The following BTBD9 variants were observed in gnomAD, a reference collection of about 807,000 sequenced individuals.
BTBD9 encodes BTB/POZ domain-containing protein 9.
A neutral mutation model predicts 64.3 loss-of-function variants in BTBD9; 49 were observed. The observed-to-expected ratio is 0.76, with a 90% CI of 0.61 to 0.97. The LOEUF is 0.97. BTBD9 is among the 50% of genes least tolerant of loss of function. The pLI is 0.00. For missense variants in BTBD9, 598 were observed against 762.1 expected (o/e 0.78, Z 2.53); for synonymous variants, 260 against 274.7 (o/e 0.95, Z 0.53).
chr6:38,283,446 G>A (rs755690793), intron 8 of BTBD9, among the ~76,000 whole-genome samples: 3 of 152,068 alleles, frequency 2.0e-5, no homozygotes, highest in African/African-American at 7.2e-5. Context: ...CCAGGAGTTC[G>A]AGACCAGCCT....
chr6:38,492,472 C>T (rs931779472), intron 6 of BTBD9, among the ~76,000 whole-genome samples: 2 of 152,134 alleles, frequency 1.3e-5, no homozygotes, highest in African/African-American at 4.8e-5. Context: ...TACAGGCCAC[C>T]TGTGTTATTT....
At chr6:38,342,381 C>G (rs1764136011) in intron 7 of BTBD9, among the ~76,000 whole-genome samples, 1 of 151,678 alleles carries the variant, frequency 6.6e-6, no homozygotes, top group African/African-American at 2.4e-5. Flanking sequence ...ACTAAAAATA[C>G]AAAAATTAGC....
At chr6:38,617,191 T>C (rs1777821394) in intron 1 of BTBD9, among the ~76,000 whole-genome samples, 1 of 152,120 alleles carries the variant, frequency 6.6e-6, no homozygotes, top group Non-Finnish European at 1.5e-5. Context: ...TGGAACCAGC[T>C]TCTGCTTTTC....
At chr6:38,574,198 T>G (rs1045573748) in intron 6 of BTBD9, among the ~76,000 whole-genome samples, 6 of 152,198 alleles carry the variant, frequency 3.9e-5, no homozygotes, top group Non-Finnish European at 8.8e-5. Context: ...ATGGTTGGAA[T>G]GTTCACACTG....
At chr6:38,603,583 T>C (rs1273495806) in intron 1 of BTBD9, among the ~76,000 whole-genome samples, 2 of 152,250 alleles carry the variant, frequency 1.3e-5, no homozygotes, top group African/African-American at 2.4e-5. Flanking sequence ...TTTACAAACT[T>C]TAACCAGAGC....
chr6:38,488,666 CA>C (rs765665846), intron 6 of BTBD9, among the ~76,000 whole-genome samples: 11 of 152,088 alleles, frequency 7.2e-5, no homozygotes, highest in Non-Finnish European at 1.2e-4. Context: ...AGCAGCTCTG[CA>C]AAGAATGTGT....
intron 9 of BTBD9, among the ~76,000 whole-genome samples, chr6:38,243,554 G>A (rs1764081345): frequency 6.6e-6 from 1 of 151,948 alleles, no homozygotes; most frequent in African/African-American, 2.4e-5. Context: ...GAGGCAATGG[G>A]AATGGAAAAA....
At chr6:38,294,843 A>C (rs2127559504) in intron 7 of BTBD9, among the ~76,000 whole-genome samples, 1 of 152,036 alleles carries the variant, frequency 6.6e-6, no homozygotes, top group South Asian at 2.1e-4. Context: ...AAAAAAAAAA[A>C]ACCTTTATAC....
chr6:38,423,825 G>A (rs1295497711), intron 6 of BTBD9, among the ~76,000 whole-genome samples: 1 of 149,834 alleles, frequency 6.7e-6, no homozygotes, highest in African/African-American at 2.5e-5. Flanking sequence ...AATGTCTTCA[G>A]AATTAAAAAT....
rs942181962 is a variant in BTBD9, at chr6:38,174,634, G to C, written c.*351C>G. On this transcript the variant is annotated 3_prime_UTR_variant, in exon 11 of 11. Transcript: ENST00000481247. ...CCCAATGGCTTTCTCCTCCGCCTGA[G>C]TGTTTGCGTGCCATTTTTGTATTCC... The C allele has an allele frequency of 1.6e-5, 4 of 257,748 alleles. No individual in the cohort carries two copies. The highest frequency in any genetic ancestry group is 2.2e-5 in the Non-Finnish European group (3 of 136,550). 16.0% of individuals were successfully genotyped at this position (257,748 alleles called of 1,614,324 possible). A position where few individuals can be genotyped will look rare whatever the true frequency, so the allele number is the denominator to read the frequency against.
intron 6 of BTBD9, among the ~76,000 whole-genome samples, chr6:38,355,540 A>C (rs1237049620): frequency 6.6e-6 from 1 of 152,168 alleles, no homozygotes; most frequent in African/African-American, 2.4e-5. Context: ...CACTTGTTTC[A>C]GAAATTCAGA....
At chr6:38,303,874 T>TATATATATATAAAC in intron 7 of BTBD9, among the ~76,000 whole-genome samples, 1 of 82,648 alleles carries the variant, frequency 1.2e-5, no homozygotes, top group Non-Finnish European at 2.3e-5. Flanking sequence ...TATATATATA[T>TATATATATATAAAC]ACACACACAC....
intron 6 of BTBD9, among the ~76,000 whole-genome samples, chr6:38,408,148 G>A (rs894821077): frequency 6.6e-6 from 1 of 152,122 alleles, no homozygotes; most frequent in Non-Finnish European, 1.5e-5. Flanking sequence ...CATGAGGCCA[G>A]GAGTTCGAGA....
rs5875628 is a variant in BTBD9 at position 38,333,271 on chromosome 6, AT to A, written c.1264+11712del. 7.8e-3 allele frequency among the ~76,000 whole-genome samples: 1,194 copies of A among 152,360 alleles called. 17 individuals carry two copies. Among genetic ancestry groups the A allele is most frequent in the African/African-American group, 0.027 (1,141 of 41,576 alleles). ...AAGAAAGGGCAAGATAGGGCCACCC[AT>A]AGGTCCCTTCCCTTAAGTCTTTCCT... On this transcript the variant is annotated intron_variant, in intron 7 of 10. Coordinates refer to ENST00000481247, the MANE Select transcript of BTBD9 (RefSeq NM_001099272.2).
At chr6:38,492,719 A>G (rs1312092654) in intron 6 of BTBD9, among the ~76,000 whole-genome samples, 1 of 152,228 alleles carries the variant, frequency 6.6e-6, no homozygotes, top group African/African-American at 2.4e-5. Flanking sequence ...CACAAATAGC[A>G]TATCAATTCT....
At chr6:38,489,176 G>A (rs1212979715) in intron 6 of BTBD9, among the ~76,000 whole-genome samples, 3 of 152,128 alleles carry the variant, frequency 2.0e-5, no homozygotes, top group African/African-American at 7.2e-5. Flanking sequence ...GATTATAGGC[G>A]TGAACAACTG....
rs869155666 is a variant in BTBD9, at chr6:38,171,846, C to CAAAAAAAAAAAA, written c.*3127_*3138dup. On this transcript the variant is annotated 3_prime_UTR_variant, in exon 11 of 11. Transcript: ENST00000481247. ...TCCAATGAAGTTGCCTTTCTACTCTCAAAAAAAAAAAAAAAAAAAAAAAAA... is the reference window on the plus strand; with the variant it reads ...TCCAATGAAGTTGCCTTTCTACTCTCAAAAAAAAAAAAAAAAAAAAAAAAAAAAAAAAAAAAA... 2.3e-4 allele frequency: 18 copies of CAAAAAAAAAAAA among 79,188 alleles called. No individual in the cohort carries two copies. Among genetic ancestry groups the CAAAAAAAAAAAA allele is most frequent in the Non-Finnish European group, 2.6e-4 (12 of 45,686 alleles). 4.9% of individuals were successfully genotyped at this position (79,188 alleles called of 1,614,324 possible). A position where few individuals can be genotyped will look rare whatever the true frequency, so the allele number is the denominator to read the frequency against.
At chr6:38,567,034 A>T (rs1237126555) in intron 6 of BTBD9, among the ~76,000 whole-genome samples, 1 of 152,250 alleles carries the variant, frequency 6.6e-6, no homozygotes, top group Non-Finnish European at 1.5e-5. Context: ...TACAATGGGC[A>T]ATGCAAAACA....
rs1288339868 is a variant in BTBD9, at chr6:38,446,198, A to G, written c.1155-101105T>C. On this transcript the variant is annotated intron_variant, in intron 6 of 10. Transcript: ENST00000481247. The stretch of plus-strand genomic sequence containing the variant: ...ATGTGGGCAGCTGAAGACACAGCAC[A>G]TTCAGTCAGTGTAAACCATCACAAG... Among the ~76,000 whole-genome samples, 7 of 152,322 alleles carry G rather than the reference A, an allele frequency of 4.6e-5. No homozygotes were observed. In the East Asian group the frequency reaches 1.3e-3, roughly 29 times the overall value.
Sources: gnomAD v4.1 joint callset for allele counts (sites outside exome capture counted in the v4.1 genomes callset) on GRCh38, gnomAD v4.1.1 for gene constraint, MANE v1.5 for transcripts, NCBI Gene and HGNC (gene_info 2026-07-23, HGNC 2026-07-21) for gene names.